Variants in SERPINA12 observed in about 807,000 individuals in gnomAD.
SERPINA12 encodes the protein serpin family A member 12.
In SERPINA12, 21 loss-of-function variants were observed where a neutral mutation model predicts 25.9. That is an observed-to-expected ratio of 0.81 (90% CI 0.58 to 1.17). The LOEUF (loss-of-function observed/expected upper bound fraction) is 1.17. Among genes scored for constraint, SERPINA12 ranks in the 50% most tolerant of loss-of-function variants. The pLI, the probability that SERPINA12 is intolerant of heterozygous loss-of-function variation, is 0.00. For synonymous variants in SERPINA12, 220 were observed against 196.0 expected (o/e 1.12, Z -1.02); for missense variants, 562 against 508.3 (o/e 1.11, Z -1.02).
intron 3 of SERPINA12, among the ~76,000 whole-genome samples, chr14:94,493,868 T>A (rs1002821629): frequency 6.6e-6 from 1 of 152,190 alleles, no homozygotes; most frequent in Admixed American, 6.5e-5. Flanking sequence ...AGAGAGATGG[T>A]GGCAGTGCCC....
chr14:94,509,505 C>T (rs1901051161), upstream of SERPINA12, among the ~76,000 whole-genome samples: 2 of 152,126 alleles, frequency 1.3e-5, no homozygotes, highest in Non-Finnish European at 1.5e-5. Flanking sequence ...TATCTACAAA[C>T]TGGGTGGACT....
chr14:94,508,069 T>G (rs934190124), intron 1 of SERPINA12, among the ~76,000 whole-genome samples: 4 of 152,210 alleles, frequency 2.6e-5, no homozygotes, highest in Admixed American at 2.0e-4. Context: ...TTGATGCTTG[T>G]GACAGACAGC....
chr14:94,492,052 G>C (rs1300978258), intron 3 of SERPINA12, among the ~76,000 whole-genome samples: 1 of 152,178 alleles, frequency 6.6e-6, no homozygotes, highest in Non-Finnish European at 1.5e-5. Context: ...AGATTGAGGA[G>C]GGGAGAGGTG....
Position 94,498,184 on chromosome 14 carries a change from T to C in SERPINA12, c.214A>G (p.Ile72Val), listed in dbSNP as rs1416183113. ...KLAFYNPGRNIFLSPLSISTA... is the reference protein window; with the variant it reads ...KLAFYNPGRNVFLSPLSISTA... ...GAGATGCTCAAGGGGGATAGGAAGA[T>C]GTTCCTGCCAGGGTTGTAAAAGGCC... Residue 72 changes from isoleucine (I) to valine (V), a missense_variant, in exon 2 of 5, where the codon ATC becomes GTC. Physicochemically the swap from Ile to Val is conservative, Grantham distance 29. Transcript: ENST00000677451. The C allele has an allele frequency of 6.2e-7, 1 of 1,614,074 alleles. No homozygotes were observed. The highest frequency in any genetic ancestry group is 8.5e-7 in the Non-Finnish European group (1 of 1,180,042).
chr14:94,488,717 T>C (rs1253991843), intron 4 of SERPINA12, among the ~76,000 whole-genome samples: 1 of 152,216 alleles, frequency 6.6e-6, no homozygotes, highest in African/African-American at 2.4e-5. Context: ...CCCCAGACAG[T>C]CAGGTGCTCA....
At chr14:94,496,967 G>A (rs1039436766) in intron 2 of SERPINA12, among the ~76,000 whole-genome samples, 1 of 152,140 alleles carries the variant, frequency 6.6e-6, no homozygotes, top group African/African-American at 2.4e-5. Context: ...ATTAATGAGG[G>A]CTAATTGAGT....
At chr14:94,510,150 T>A (rs902791434), upstream of SERPINA12, 1 of 985,322 alleles carries the variant, frequency 1.0e-6, no homozygotes, top group African/African-American at 1.7e-5. Flanking sequence ...TGGTTCTCAG[T>A]GTACTCACCT....
chr14:94,511,826 G>A (rs762998998), upstream of SERPINA12: 150 of 638,724 alleles, frequency 2.3e-4, 1 homozygote, highest in Non-Finnish European at 1.9e-4. Context: ...GACAGACACT[G>A]GGGGGTCACG....
intron 1 of SERPINA12, among the ~76,000 whole-genome samples, chr14:94,502,024 ATGTGTGTGTGTGTG>A (rs10626991): frequency 1.4e-5 from 2 of 144,704 alleles, no homozygotes; most frequent in South Asian, 2.3e-4. Flanking sequence ...TTAGTTTGGA[ATGTGTGTGTGTGTG>A]TGTGTGTGTG....
chr14:94,495,071 T>TA (rs1566807544), intron 3 of SERPINA12, among the ~76,000 whole-genome samples: 2,938 of 139,850 alleles, frequency 0.021, 112 homozygotes, highest in African/African-American at 0.076. Context: ...TTTCTTTTTT[T>TA]TTTTTTTTTT....
intron 1 of SERPINA12, among the ~76,000 whole-genome samples, chr14:94,505,682 G>A (rs554257333): frequency 2.2e-4 from 33 of 152,330 alleles, no homozygotes; most frequent in African/African-American, 7.7e-4. Flanking sequence ...ATGACAGGGT[G>A]AGGCCTGTGT....
chr14:94,489,840 C>T (rs1566804478), intron 3 of SERPINA12, 73 bp from the exon 4 acceptor site: 3 of 1,449,210 alleles, frequency 2.1e-6, no homozygotes, highest in Non-Finnish European at 2.9e-6. Context: ...GGATACATGA[C>T]CAATGAAACA....
intron 3 of SERPINA12, among the ~76,000 whole-genome samples, chr14:94,496,160 T>A (rs907849611): frequency 6.6e-6 from 1 of 152,204 alleles, no homozygotes; most frequent in Non-Finnish European, 1.5e-5. Flanking sequence ...AGACTCCATC[T>A]ACTGCGCCCT....
In SERPINA12 at chr14:94,498,459, T is replaced by C. The variant is rs555180220; in HGVS notation, c.-33-29A>G. ...AGGTCAGCAGAAAAAAAGAACATGA[T>C]AACCCCATTGCCTACATGTTACCCA... is the stretch of plus-strand genomic sequence containing the variant. On this transcript the variant is annotated intron_variant, in intron 1 of 4. Coordinates refer to ENST00000677451, the MANE Select transcript of SERPINA12 (RefSeq NM_001382267.1). The C allele has an allele frequency of 5.9e-5, 90 of 1,533,730 alleles. 1 individual carries two copies. In the South Asian group the frequency reaches 1.0e-3, roughly 18 times the overall value.
chr14:94,487,723 G>C (rs116034507), intron 4 of SERPINA12, among the ~76,000 whole-genome samples: 1 of 152,178 alleles, frequency 6.6e-6, no homozygotes, highest in Admixed American at 6.5e-5. Flanking sequence ...CATCAGTTAC[G>C]GGAGTCGGTG....
upstream of SERPINA12, chr14:94,510,406 T>TTGTAAGAGTAAGGTGG: frequency 4.0e-6 from 1 of 252,656 alleles, no homozygotes. Flanking sequence ...AGATACCACC[T>TTGTAAGAGTAAGGTGG]TACTCTTACA....
At chr14:94,511,721 A>G, upstream of SERPINA12, 3 of 985,376 alleles carry the variant, frequency 3.0e-6, no homozygotes, top group Non-Finnish European at 3.6e-6. Flanking sequence ...TGAGTTGAAA[A>G]GCAGATTGAA....
chr14:94,498,594 G>A (rs1900576250), intron 1 of SERPINA12, among the ~76,000 whole-genome samples, 164 bp from the exon 2 acceptor site: 1 of 152,322 alleles, frequency 6.6e-6, no homozygotes, highest in South Asian at 2.1e-4. Context: ...TCACCCTGGG[G>A]ACTAGAAATG....
exon 2 of SERPINA12, chr14:94,515,848 C>G (rs762090609): frequency 2.0e-5 from 3 of 152,208 alleles, no homozygotes; most frequent in African/African-American, 7.2e-5. Context: ...TTGCACCTCC[C>G]GAAGACTCTT....
Sources: gnomAD v4.1 joint callset for allele counts (sites outside exome capture counted in the v4.1 genomes callset) on GRCh38, gnomAD v4.1.1 for gene constraint, MANE v1.5 for transcripts, NCBI Gene and HGNC (gene_info 2026-07-23, HGNC 2026-07-21) for gene names.